Variants in ANO10 observed in about 807,000 individuals in gnomAD.
ANO10 encodes anoctamin-10.
In ANO10, 77 loss-of-function variants were observed where a neutral mutation model predicts 74.7. The ratio of observed to expected loss-of-function variants is 1.03; its 90% CI spans 0.86 to 1.25. The LOEUF (loss-of-function observed/expected upper bound fraction) is 1.25, where lower values mean the gene tolerates loss of function less well. Among genes scored for constraint, ANO10 ranks in the 50% most tolerant of loss-of-function variants. The pLI, the probability that ANO10 is intolerant of heterozygous loss-of-function variation, is 0.00. For missense variants in ANO10, 721 were observed against 778.1 expected (o/e 0.93, Z 0.87); for synonymous variants, 279 against 284.9 (o/e 0.98, Z 0.21).
At chr3:43,369,285 G>A (rs1468416523) in intron 12 of ANO10, among the ~76,000 whole-genome samples, 2 of 152,264 alleles carry the variant, frequency 1.3e-5, no homozygotes, top group Non-Finnish European at 2.9e-5. Context: ...CCCACCTGCA[G>A]TGCCTGCCTT....
At chr3:43,381,708 G>C (rs1310480108) in intron 12 of ANO10, among the ~76,000 whole-genome samples, 2 of 152,108 alleles carry the variant, frequency 1.3e-5, no homozygotes, top group Admixed American at 1.3e-4. Flanking sequence ...CTATACCCTA[G>C]AACAAATGGA....
At chr3:43,570,814 A>G (rs1357222413) in intron 7 of ANO10, among the ~76,000 whole-genome samples, 3 of 143,338 alleles carry the variant, frequency 2.1e-5, no homozygotes, top group Non-Finnish European at 3.0e-5. Context: ...CAATGGCAAC[A>G]AAAGACAAAA....
chr3:43,611,625 G>A (rs6779864), intron 1 of ANO10, among the ~76,000 whole-genome samples: 3 of 152,078 alleles, frequency 2.0e-5, no homozygotes, highest in Admixed American at 2.0e-4. Context: ...ACATGCCACA[G>A]TGAATGGTGT....
chr3:43,632,087 A>C (rs79724821), intron 1 of ANO10, among the ~76,000 whole-genome samples: 2 of 151,546 alleles, frequency 1.3e-5, no homozygotes, highest in African/African-American at 4.8e-5. Flanking sequence ...AAAAAAAAAA[A>C]AGAAAGTAAG....
chr3:43,370,170 GGGGAA>G (rs2125670785), intron 12 of ANO10, among the ~76,000 whole-genome samples: 1 of 152,300 alleles, frequency 6.6e-6, no homozygotes, highest in Non-Finnish European at 1.5e-5. Context: ...CCTCCCCGAT[GGGGAA>G]GTGGTGAGCA....
chr3:43,472,697 A>G (rs560746499), intron 11 of ANO10: 32 of 152,338 alleles, frequency 2.1e-4, no homozygotes, highest in Admixed American at 2.1e-3. Context: ...GCTATAAAAA[A>G]AATTTTTGGA....
chr3:43,667,254 C>A (rs1390936165), intron 1 of ANO10, among the ~76,000 whole-genome samples: 1 of 151,694 alleles, frequency 6.6e-6, no homozygotes, highest in Non-Finnish European at 1.5e-5. Flanking sequence ...CCATGCCCAG[C>A]TAATTTTTGC....
intron 12 of ANO10, among the ~76,000 whole-genome samples, chr3:43,396,905 AGT>A (rs1381380894): frequency 6.6e-6 from 1 of 150,386 alleles, no homozygotes; most frequent in Non-Finnish European, 1.5e-5. Context: ...AATCCCATCC[AGT>A]GTATTTTTTT....
intron 7 of ANO10, among the ~76,000 whole-genome samples, chr3:43,572,292 G>T (rs370663875): frequency 6.6e-6 from 1 of 152,194 alleles, no homozygotes; most frequent in Non-Finnish European, 1.5e-5. Flanking sequence ...TGCTGGGCCT[G>T]GGACTCCCCT....
Position 43,491,643 on chromosome 3 carries a change from TA to T in ANO10, c.1797+58076del, listed in dbSNP as rs537714571. ...TCATTCCCACTCTAAAGCTTTTTAG[TA>T]AACTTTAACTCCTGCTCTAAAACTT... On this transcript the variant is annotated intron_variant, in intron 11 of 12. Coordinates refer to ENST00000292246, the MANE Select transcript of ANO10 (RefSeq NM_018075.5). 7.5e-4 allele frequency among the ~76,000 whole-genome samples: 114 copies of T among 152,214 alleles called. 1 individual carries two copies. The highest frequency in any genetic ancestry group is 2.6e-3 in the African/African-American group (110 of 41,546).
chr3:43,595,204 T>C (rs956103583), intron 4 of ANO10, among the ~76,000 whole-genome samples: 71 of 152,304 alleles, frequency 4.7e-4, no homozygotes, highest in African/African-American at 1.7e-3. Context: ...GCTGGCACCA[T>C]TCCTTCTGAA....
At position 43,546,687 on chromosome 3, in the gene ANO10, G is replaced by A. The variant is rs536590095; in HGVS notation, c.1797+3033C>T. 3.3e-5 allele frequency among the ~76,000 whole-genome samples: 5 copies of A among 151,560 alleles called. No homozygotes were observed. The South Asian group carries it at 1.0e-3, about 32-fold the overall frequency. ...CTCAGTATATGGGCTCAATAGTAGT[G>A]TGGACATATAGAAGATGTTGAAACA... On this transcript the variant is annotated intron_variant, in intron 11 of 12. Transcript: ENST00000292246.
intron 11 of ANO10, among the ~76,000 whole-genome samples, chr3:43,447,557 G>A (rs1338352740): frequency 2.0e-5 from 3 of 152,160 alleles, no homozygotes; most frequent in African/African-American, 7.2e-5. Context: ...AAGGTTGAGG[G>A]ATTGGAGAAA....
intron 11 of ANO10, among the ~76,000 whole-genome samples, chr3:43,453,341 G>T (rs569653110): frequency 6.6e-6 from 1 of 151,982 alleles, no homozygotes; most frequent in Non-Finnish European, 1.5e-5. Context: ...CACTGTGCCC[G>T]GCTAATTTTC....
rs774296237 is a variant in ANO10 at position 43,555,254 on chromosome 3, A to G, written c.1668+24T>C. Reference sequence around the variant, plus strand: ...CCTCGTATTTTTATTTTTTAAAGGAATAATTTTTTTCTCAAACAATTACCT... The same window carrying G: ...CCTCGTATTTTTATTTTTTAAAGGAGTAATTTTTTTCTCAAACAATTACCT... On this transcript the variant is annotated intron_variant, in intron 10 of 12. Transcript: ENST00000292246. 1.8e-5 allele frequency: 29 copies of G among 1,608,934 alleles called. No individual in the cohort carries two copies. In the East Asian group the frequency reaches 6.2e-4, roughly 35 times the overall value.
Position 43,432,944 on chromosome 3 carries a change from C to CTTTTTTTTTTTTTTTTT in ANO10, c.1798-234_1798-218dup, listed in dbSNP as rs5848663. ...CAGTAATTACTGACTTTGCTTAATT[C>CTTTTTTTTTTTTTTTTT]TTTTTTTTTTTTTTTTTTTTTTTTT... On this transcript the variant is annotated intron_variant, in intron 11 of 12. Coordinates refer to ENST00000292246, the MANE Select transcript of ANO10 (RefSeq NM_018075.5). Among the ~76,000 whole-genome samples, 86 of 55,282 alleles carry CTTTTTTTTTTTTTTTTT rather than the reference C, an allele frequency of 1.6e-3. 13 individuals are homozygous for CTTTTTTTTTTTTTTTTT. The highest frequency in any genetic ancestry group is 2.0e-3 in the Non-Finnish European group (59 of 30,052). The allele number at this position is 55,282 out of a possible 152,430, so 36.3% of individuals were successfully genotyped here. A position where few individuals can be genotyped will look rare whatever the true frequency, so the allele number is the denominator to read the frequency against.
intron 11 of ANO10, among the ~76,000 whole-genome samples, chr3:43,537,549 T>G (rs985426097): frequency 2.6e-5 from 4 of 151,060 alleles, no homozygotes; most frequent in Admixed American, 6.6e-5. Flanking sequence ...ACCTTCCACC[T>G]CCTGCTCCAT....
intron 12 of ANO10, among the ~76,000 whole-genome samples, chr3:43,370,178 G>T (rs2091557358): frequency 6.6e-6 from 1 of 152,198 alleles, no homozygotes; most frequent in Non-Finnish European, 1.5e-5. Context: ...ATGGGGAAGT[G>T]GTGAGCACTG....
intron 11 of ANO10, chr3:43,472,604 CAGAG>C (rs1243048492): frequency 2.0e-5 from 3 of 151,162 alleles, no homozygotes; most frequent in Non-Finnish European, 4.4e-5. Context: ...AAAAAAAAGA[CAGAG>C]AGAGAGACCA....
Sources: gnomAD v4.1 joint callset for allele counts (sites outside exome capture counted in the v4.1 genomes callset) on GRCh38, gnomAD v4.1.1 for gene constraint, MANE v1.5 for transcripts, NCBI Gene and HGNC (gene_info 2026-07-23, HGNC 2026-07-21) for gene names.